Variants in BICD1 observed in about 807,000 individuals in gnomAD.
BICD1 encodes the protein BICD cargo adaptor 1, also known as protein bicaudal D homolog 1.
A neutral mutation model predicts 92.5 loss-of-function variants in BICD1; 35 were observed. The observed-to-expected ratio is 0.38, with a 90% CI of 0.29 to 0.50. The LOEUF is 0.50. BICD1 is among the 20% of genes least tolerant of loss of function. The probability of loss-of-function intolerance (pLI) is 0.93; values close to 1 mark genes in which losing one functional copy is unlikely to be tolerated. For synonymous variants in BICD1, 429 were observed against 465.1 expected (o/e 0.92, Z 1.00); for missense variants, 950 against 1,189.8 (o/e 0.80, Z 2.97).
rs143353300 is a variant in BICD1, at chr12:32,325,358, G to A, written c.1006-2103G>A. Among the ~76,000 whole-genome samples, 372 of 152,284 alleles carry A rather than the reference G, an allele frequency of 2.4e-3. 1 individual carries two copies. Among genetic ancestry groups the A allele is most frequent in the African/African-American group, 8.1e-3 (337 of 41,564 alleles). On this transcript the variant is annotated intron_variant, in intron 4 of 9. Transcript: ENST00000652176. ...TTTGAATGAAGTGGTGTCATTGGCCGTTGGTCATGATGTTATGTAGTGATT... is the reference window on the plus strand; with the variant it reads ...TTTGAATGAAGTGGTGTCATTGGCCATTGGTCATGATGTTATGTAGTGATT...
In BICD1 at chr12:32,306,108, C is replaced by G; in HGVS notation, c.991C>G (p.Gln331Glu). 2 of 1,600,482 alleles carry G rather than the reference C, an allele frequency of 1.2e-6. No individual in the cohort carries two copies. Among genetic ancestry groups the G allele is most frequent in the Non-Finnish European group, 1.7e-6 (2 of 1,174,872 alleles). The change falls in exon 4 of 10, where the codon CAG becomes GAG. Residue 331 changes from glutamine (Q) to glutamate (E), a missense_variant. Physicochemically the swap from Gln to Glu is conservative, Grantham distance 29. Transcript: ENST00000652176. The stretch of plus-strand genomic sequence containing the variant: ...CATTTCAGAAATACAGAAGTTGAAG[C>G]AGCAGCTTATGCAGGTAAGAACTTT... ...LNISEIQKLK[Q>E]QLMQVEREKA...
At chr12:32,272,868 G>GGGTTAATA (rs1947179995) in intron 2 of BICD1, among the ~76,000 whole-genome samples, 1 of 152,116 alleles carries the variant, frequency 6.6e-6, no homozygotes, top group Non-Finnish European at 1.5e-5. Flanking sequence ...GTTTAGATTG[G>GGGTTAATA]AAAATAAGTA....
chr12:32,341,192 G>A (rs993728532), intron 8 of BICD1, among the ~76,000 whole-genome samples: 4 of 151,824 alleles, frequency 2.6e-5, no homozygotes, highest in African/African-American at 4.8e-5. Flanking sequence ...TATGAGATTC[G>A]AGGCCGGCTG....
At chr12:32,364,359 C>T (rs1939448755) in intron 8 of BICD1, among the ~76,000 whole-genome samples, 1 of 152,150 alleles carries the variant, frequency 6.6e-6, no homozygotes, top group Non-Finnish European at 1.5e-5. Context: ...CAGGGGAGAT[C>T]ACTCAGAGCC....
chr12:32,294,182 G>GTA, intron 3 of BICD1, 36 bp downstream of exon 3: 1 of 1,552,990 alleles, frequency 6.4e-7, no homozygotes, highest in Non-Finnish European at 8.7e-7. Context: ...TACTGAAGAT[G>GTA]GATCTACATC....
chr12:32,121,775 A>T (rs1450830636), intron 1 of BICD1, among the ~76,000 whole-genome samples: 3 of 151,510 alleles, frequency 2.0e-5, no homozygotes, highest in Non-Finnish European at 4.4e-5. Context: ...GGTTAATGAT[A>T]TAGTGATCTG....
intron 4 of BICD1, among the ~76,000 whole-genome samples, chr12:32,309,202 G>A (rs1407692513): frequency 1.3e-5 from 2 of 152,070 alleles, no homozygotes; most frequent in Admixed American, 6.6e-5. Context: ...AGAATTTATT[G>A]TAATTGGCTT....
intron 2 of BICD1, among the ~76,000 whole-genome samples, chr12:32,224,227 C>T (rs1277707125): frequency 6.6e-6 from 1 of 152,204 alleles, no homozygotes; most frequent in Non-Finnish European, 1.5e-5. Context: ...CTCTCTTCTC[C>T]TCTCCATACT....
At chr12:32,118,852 T>C (rs1225385794) in intron 1 of BICD1, among the ~76,000 whole-genome samples, 1 of 152,256 alleles carries the variant, frequency 6.6e-6, no homozygotes, top group Non-Finnish European at 1.5e-5. Flanking sequence ...ATTGAGTGGC[T>C]ACTGTGTCGG....
At chr12:32,226,506 C>G (rs1945698417) in intron 2 of BICD1, among the ~76,000 whole-genome samples, 1 of 152,150 alleles carries the variant, frequency 6.6e-6, no homozygotes, top group Admixed American at 6.5e-5. Context: ...ATAACCATCT[C>G]CTCACTTCAC....
At chr12:32,296,520 G>A (rs1383741168) in intron 3 of BICD1, among the ~76,000 whole-genome samples, 3 of 152,072 alleles carry the variant, frequency 2.0e-5, no homozygotes, top group Non-Finnish European at 2.9e-5. Flanking sequence ...GCCTCCCAAA[G>A]TGCTGAGATT....
intron 1 of BICD1, among the ~76,000 whole-genome samples, chr12:32,124,108 C>T (rs901489861): frequency 6.6e-6 from 1 of 152,148 alleles, no homozygotes; most frequent in African/African-American, 2.4e-5. Flanking sequence ...GACATAAAGA[C>T]AGTCTCAACA....
At chr12:32,135,490 T>C (rs1441655395) in intron 1 of BICD1, among the ~76,000 whole-genome samples, 5 of 50,508 alleles carry the variant, frequency 9.9e-5, no homozygotes, top group African/African-American at 3.2e-4. Flanking sequence ...AGCCTAGACC[T>C]GCTGGGTTTA....
At chr12:32,351,162 C>CT (rs1938852419) in intron 8 of BICD1, among the ~76,000 whole-genome samples, 1 of 94,354 alleles carries the variant, frequency 1.1e-5, no homozygotes, top group Non-Finnish European at 2.0e-5. Context: ...AAAATAATTA[C>CT]TTAAAAAAAA....
At chr12:32,297,547 T>A (rs1039146958) in intron 3 of BICD1, among the ~76,000 whole-genome samples, 1 of 152,090 alleles carries the variant, frequency 6.6e-6, no homozygotes, top group Non-Finnish European at 1.5e-5. Flanking sequence ...GCCACAGAGT[T>A]TTTTAAAGAG....
intron 1 of BICD1, among the ~76,000 whole-genome samples, chr12:32,126,740 C>T (rs946572820): frequency 2.6e-5 from 4 of 151,682 alleles, no homozygotes; most frequent in South Asian, 2.1e-4. Context: ...CTAGCCTGGG[C>T]GACAGAGTGA....
intron 2 of BICD1, among the ~76,000 whole-genome samples, chr12:32,230,882 A>ATGG (rs1945865648): frequency 6.6e-6 from 1 of 151,584 alleles, no homozygotes; most frequent in South Asian, 2.1e-4. Context: ...AATTATCATG[A>ATGG]CTGCTGTCAT....
intron 2 of BICD1, among the ~76,000 whole-genome samples, chr12:32,253,644 A>G (rs942447397): frequency 2.0e-5 from 3 of 152,210 alleles, no homozygotes; most frequent in Non-Finnish European, 4.4e-5. Flanking sequence ...GTCACTCTCT[A>G]GCACACTTCT....
At chr12:32,189,880 G>T (rs369225909) in intron 1 of BICD1, among the ~76,000 whole-genome samples, 23 of 152,128 alleles carry the variant, frequency 1.5e-4, no homozygotes, top group African/African-American at 5.5e-4. Context: ...TGTATTTGTA[G>T]TAGAGATGGG....
Sources: allele counts gnomAD v4.1 joint callset (sites outside exome capture counted in the v4.1 genomes callset), GRCh38; gene constraint gnomAD v4.1.1; transcripts MANE v1.5; gene names NCBI Gene and HGNC (gene_info 2026-07-23, HGNC 2026-07-21).